Variants in PDZRN4 observed in about 807,000 individuals in gnomAD.
The protein encoded by PDZRN4 is PDZ domain containing ring finger 4.
A neutral mutation model predicts 99.0 loss-of-function variants in PDZRN4; 70 were observed. The ratio of observed to expected loss-of-function variants is 0.71; its 90% CI spans 0.58 to 0.86. The LOEUF is 0.86. PDZRN4 is among the 40% of genes least tolerant of loss of function. The pLI is 0.00. For synonymous variants in PDZRN4, 551 were observed against 501.6 expected, an observed-to-expected ratio of 1.10 and a Z score of -1.32; for missense variants, 1,474 against 1,331.2, an observed-to-expected ratio of 1.11 and a Z score of -1.67.
At chr12:41,321,299 G>A (rs1330331182) in intron 3 of PDZRN4, among the ~76,000 whole-genome samples, 2 of 152,234 alleles carry the variant, frequency 1.3e-5, no homozygotes, top group East Asian at 3.9e-4. Context: ...GCACAGAAAT[G>A]CCTTCACTGA....
intron 3 of PDZRN4, among the ~76,000 whole-genome samples, chr12:41,431,025 A>T (rs1952582432): frequency 6.6e-6 from 1 of 152,206 alleles, no homozygotes; most frequent in African/African-American, 2.4e-5. Flanking sequence ...AACAGTACCA[A>T]GGGGATGGTG....
intron 3 of PDZRN4, among the ~76,000 whole-genome samples, chr12:41,207,519 G>A (rs963468532): frequency 1.3e-5 from 2 of 151,518 alleles, no homozygotes; most frequent in African/African-American, 4.8e-5. Context: ...CAAATAAATT[G>A]TCTTACTGTA....
At chr12:41,541,717 T>G (rs1461820213) in intron 5 of PDZRN4, among the ~76,000 whole-genome samples, 2 of 151,954 alleles carry the variant, frequency 1.3e-5, no homozygotes, top group Admixed American at 6.6e-5. Flanking sequence ...CCTCCCAAAG[T>G]GCTGGGATTA....
intron 3 of PDZRN4, among the ~76,000 whole-genome samples, chr12:41,277,848 A>G (rs1951359853): frequency 2.0e-5 from 3 of 152,252 alleles, no homozygotes; most frequent in East Asian, 3.8e-4. Context: ...GAGGTTCCGT[A>G]TGGATAAAGA....
chr12:41,513,962 A>G (rs1457367042), intron 5 of PDZRN4, among the ~76,000 whole-genome samples: 1 of 152,088 alleles, frequency 6.6e-6, no homozygotes, highest in African/African-American at 2.4e-5. Flanking sequence ...GTGCCTGCAG[A>G]TTTTTATCAC....
chr12:41,387,786 G>A (rs1475980499), intron 3 of PDZRN4, among the ~76,000 whole-genome samples: 2 of 152,194 alleles, frequency 1.3e-5, no homozygotes, highest in South Asian at 2.1e-4. Flanking sequence ...AACAGATGCT[G>A]GTGAGGTTGT....
chr12:41,222,264 T>A (rs1319416031), intron 3 of PDZRN4, among the ~76,000 whole-genome samples: 1 of 152,164 alleles, frequency 6.6e-6, no homozygotes, highest in African/African-American at 2.4e-5. Flanking sequence ...TAATGGATAC[T>A]TATTTAACTT....
chr12:41,245,695 AT>A (rs1268868279), intron 3 of PDZRN4, among the ~76,000 whole-genome samples: 4 of 152,216 alleles, frequency 2.6e-5, no homozygotes, highest in East Asian at 1.9e-4. Context: ...GTGAAAAAAA[AT>A]ATATGGCAAT....
chr12:41,516,351 T>C (rs1938400654), intron 5 of PDZRN4, among the ~76,000 whole-genome samples: 2 of 152,054 alleles, frequency 1.3e-5, no homozygotes, highest in African/African-American at 2.4e-5. Flanking sequence ...TCCTCAGTAG[T>C]ATTTGTGTGA....
intron 3 of PDZRN4, among the ~76,000 whole-genome samples, chr12:41,341,119 A>G (rs1464939797): frequency 6.6e-6 from 1 of 151,876 alleles, no homozygotes; most frequent in Admixed American, 6.6e-5. Context: ...GATCATTTCA[A>G]TAGATGCAGA....
chr12:41,214,252 T>TAAAAAAAAAAAAAAAA (rs60618442), intron 3 of PDZRN4, among the ~76,000 whole-genome samples: 1 of 84,756 alleles, frequency 1.2e-5, no homozygotes, highest in African/African-American at 4.7e-5. Flanking sequence ...ACCCTGTATT[T>TAAAAAAAAAAAAAAAA]AAAAAAAAAA....
intron 3 of PDZRN4, among the ~76,000 whole-genome samples, chr12:41,259,412 G>T (rs1951223292): frequency 6.6e-6 from 1 of 152,142 alleles, no homozygotes; most frequent in Non-Finnish European, 1.5e-5. Context: ...ATATCACCAT[G>T]TTATAGCCTT....
chr12:41,547,944 TTC>T (rs1390817111), intron 5 of PDZRN4, among the ~76,000 whole-genome samples: 2 of 152,182 alleles, frequency 1.3e-5, no homozygotes, highest in East Asian at 3.8e-4. Flanking sequence ...ATGTCTCTGA[TTC>T]TAAGAATGGG....
chr12:41,519,777 G>T (rs924104627), intron 5 of PDZRN4, among the ~76,000 whole-genome samples: 4 of 151,998 alleles, frequency 2.6e-5, no homozygotes, highest in Non-Finnish European at 5.9e-5. Context: ...TAGATATATT[G>T]TGGTTTCCCC....
chr12:41,425,952 G>T (rs1952532812), intron 3 of PDZRN4, among the ~76,000 whole-genome samples: 1 of 152,134 alleles, frequency 6.6e-6, no homozygotes. Flanking sequence ...AACCTGTCTG[G>T]AGCTTAGTTG....
chr12:41,355,237 T>C (rs1171119951), intron 3 of PDZRN4, among the ~76,000 whole-genome samples: 1 of 152,086 alleles, frequency 6.6e-6, no homozygotes, highest in Non-Finnish European at 1.5e-5. Flanking sequence ...GCAGCCTTCA[T>C]AGCAGAAGTT....
At chr12:41,498,711 G>A (rs956413153) in intron 3 of PDZRN4, among the ~76,000 whole-genome samples, 1 of 152,016 alleles carries the variant, frequency 6.6e-6, no homozygotes, top group Non-Finnish European at 1.5e-5. Flanking sequence ...AACCATAGCA[G>A]GGATATTCTA....
intron 3 of PDZRN4, among the ~76,000 whole-genome samples, chr12:41,336,307 A>T (rs759439233): frequency 6.6e-6 from 1 of 152,118 alleles, no homozygotes; most frequent in African/African-American, 2.4e-5. Context: ...TGACCATTGT[A>T]TGTCACTGGC....
intron 3 of PDZRN4, among the ~76,000 whole-genome samples, chr12:41,400,679 A>G (rs2121139303): frequency 6.6e-6 from 1 of 152,292 alleles, no homozygotes; most frequent in East Asian, 1.9e-4. Context: ...GCCCTAGTGC[A>G]TCATTCAGGT....
Sources: gnomAD v4.1 joint callset for allele counts (sites outside exome capture counted in the v4.1 genomes callset) on GRCh38, gnomAD v4.1.1 for gene constraint, MANE v1.5 for transcripts, NCBI Gene and HGNC (gene_info 2026-07-23, HGNC 2026-07-21) for gene names.